TMTC2: variants seen among roughly 807,000 people sequenced by gnomAD.
TMTC2 encodes protein O-mannosyl-transferase TMTC2.
In TMTC2, 43 loss-of-function variants were observed where a neutral mutation model predicts 82.4. That is an observed-to-expected ratio of 0.52 (90% CI 0.41 to 0.67). The LOEUF is 0.67. Ranked by LOEUF, TMTC2 falls within the 30% of genes least tolerant of loss-of-function variation. TMTC2 has a pLI of 0.00. For missense variants in TMTC2, 919 were observed against 1,012.4 expected, an observed-to-expected ratio of 0.91 and a Z score of 1.25; for synonymous variants, 408 against 381.9, an observed-to-expected ratio of 1.07 and a Z score of -0.80.
intron 4 of TMTC2, among the ~76,000 whole-genome samples, chr12:82,956,267 T>G (rs2137287539): frequency 6.6e-6 from 1 of 152,156 alleles, no homozygotes; most frequent in South Asian, 2.1e-4. Context: ...AATGCTTCAC[T>G]TAGGCACAGA....
chr12:82,700,756 A>T (rs1873036644), intron 1 of TMTC2, among the ~76,000 whole-genome samples: 1 of 152,220 alleles, frequency 6.6e-6, no homozygotes, highest in African/African-American at 2.4e-5. Flanking sequence ...TAGATGATAT[A>T]GTATCTAGGA....
chr12:82,758,402 A>G (rs956017379), intron 1 of TMTC2, among the ~76,000 whole-genome samples: 3 of 152,184 alleles, frequency 2.0e-5, no homozygotes, highest in African/African-American at 4.8e-5. Flanking sequence ...ACATTCTACA[A>G]TATGACTCAC....
At chr12:83,101,201 T>A (rs2137533367) in intron 11 of TMTC2, among the ~76,000 whole-genome samples, 1 of 152,346 alleles carries the variant, frequency 6.6e-6, no homozygotes, top group East Asian at 1.9e-4. Context: ...ACTAGTGTTT[T>A]GTTTTTCAAT....
chr12:82,989,005 G>A (rs1189149269), intron 8 of TMTC2, among the ~76,000 whole-genome samples: 3 of 150,750 alleles, frequency 2.0e-5, no homozygotes, highest in Non-Finnish European at 4.4e-5. Context: ...ATTAGGAGAA[G>A]GAACTCTAAA....
At chr12:82,964,191 G>A (rs1878082555) in intron 4 of TMTC2, among the ~76,000 whole-genome samples, 1 of 151,728 alleles carries the variant, frequency 6.6e-6, no homozygotes, top group South Asian at 2.1e-4. Flanking sequence ...CAAGAGAATG[G>A]GGATAGGCCA....
chr12:82,757,440 A>G (rs1378726932), intron 1 of TMTC2, among the ~76,000 whole-genome samples: 2 of 152,212 alleles, frequency 1.3e-5, no homozygotes, highest in Admixed American at 6.5e-5. Flanking sequence ...CTTTATAGCA[A>G]CATTAAGGGA....
chr12:83,038,082 A>G (rs902589691), intron 9 of TMTC2, among the ~76,000 whole-genome samples: 2 of 146,454 alleles, frequency 1.4e-5, no homozygotes, highest in African/African-American at 2.5e-5. Context: ...GTAGGAATTG[A>G]ACAATGAGAA....
rs1047438461 is a variant in TMTC2, at chr12:82,936,607, C to T, written c.1598+6062C>T. On this transcript the variant is annotated intron_variant, in intron 4 of 11. Transcript: ENST00000321196. The stretch of plus-strand genomic sequence containing the variant: ...AATATTACAATTAAATTACTATACT[C>T]TTTCAATTTAAGAAGTCAGAGGATG... Among the ~76,000 whole-genome samples the T allele has an allele frequency of 2.6e-5, 4 of 152,188 alleles. No homozygotes were observed. The South Asian group carries it at 8.3e-4, about 32-fold the overall frequency.
chr12:82,903,498 G>A (rs1874132698), intron 3 of TMTC2, among the ~76,000 whole-genome samples: 2 of 152,086 alleles, frequency 1.3e-5, no homozygotes, highest in African/African-American at 2.4e-5. Context: ...TGCAAGCGCC[G>A]CCTCCCAGGT....
At chr12:82,718,628 C>T (rs1256468716) in intron 1 of TMTC2, among the ~76,000 whole-genome samples, 1 of 152,166 alleles carries the variant, frequency 6.6e-6, no homozygotes, top group African/African-American at 2.4e-5. Context: ...ATGTGTTTTT[C>T]TTATGTGTAG....
At chr12:82,696,964 G>GTGTGTATATATATATA (rs374532592) in intron 1 of TMTC2, among the ~76,000 whole-genome samples, 3 of 141,514 alleles carry the variant, frequency 2.1e-5, no homozygotes, top group African/African-American at 7.9e-5. Flanking sequence ...ACATACATAC[G>GTGTGTATATATATATA]TATATATATA....
intron 9 of TMTC2, among the ~76,000 whole-genome samples, chr12:83,045,690 G>C (rs1882072270): frequency 6.1e-5 from 4 of 65,870 alleles, no homozygotes; most frequent in Admixed American, 5.6e-4. Context: ...TCGCTTATAG[G>C]GCAGGAAAGG....
At chr12:82,868,699 C>CT (rs59925659) in intron 2 of TMTC2, among the ~76,000 whole-genome samples, 1,877 of 132,658 alleles carry the variant, frequency 0.014, 11 homozygotes, top group Non-Finnish European at 0.021. Context: ...AAGTCTCTCT[C>CT]TTTTTTTTTT....
intron 1 of TMTC2, among the ~76,000 whole-genome samples, chr12:82,787,690 C>T (rs1409393437): frequency 1.3e-5 from 2 of 152,102 alleles, no homozygotes; most frequent in Non-Finnish European, 2.9e-5. Context: ...GGGTGGATCA[C>T]ACGAGGTCAG....
intron 8 of TMTC2, among the ~76,000 whole-genome samples, chr12:83,004,551 G>T (rs1424092489): frequency 1.3e-5 from 2 of 151,734 alleles, no homozygotes; most frequent in African/African-American, 4.8e-5. Context: ...CATTTGGGTG[G>T]GACTTTTTAT....
intron 2 of TMTC2, among the ~76,000 whole-genome samples, chr12:82,893,561 A>T (rs1047576456): frequency 1.3e-5 from 2 of 152,110 alleles, no homozygotes; most frequent in African/African-American, 4.8e-5. Flanking sequence ...GATATTAATG[A>T]ATAATTCCAC....
chr12:82,884,243 G>A (rs1370799480), intron 2 of TMTC2, among the ~76,000 whole-genome samples: 1 of 152,162 alleles, frequency 6.6e-6, no homozygotes, highest in Non-Finnish European at 1.5e-5. Flanking sequence ...GGGTCACCAT[G>A]CCAACCAAAA....
chr12:82,858,263 ACACTT>A, intron 2 of TMTC2, among the ~76,000 whole-genome samples: 1 of 152,332 alleles, frequency 6.6e-6, no homozygotes, highest in Admixed American at 6.5e-5. Flanking sequence ...GGATCCCCAT[ACACTT>A]GAAGAGACTG....
intron 1 of TMTC2, among the ~76,000 whole-genome samples, chr12:82,774,963 A>G (rs1310089620): frequency 6.6e-6 from 1 of 152,106 alleles, no homozygotes; most frequent in Non-Finnish European, 1.5e-5. Context: ...TAAAGGAATA[A>G]GAGGAAAAAT....
Sources: allele counts gnomAD v4.1 joint callset (sites outside exome capture counted in the v4.1 genomes callset), GRCh38; gene constraint gnomAD v4.1.1; transcripts MANE v1.5; gene names NCBI Gene and HGNC (gene_info 2026-07-23, HGNC 2026-07-21).